Variants in MYRIP observed in about 807,000 individuals in gnomAD.
MYRIP encodes the protein myosin VIIA and Rab interacting protein, also known as rab effector MyRIP.
In MYRIP, 49 loss-of-function variants were observed where a neutral mutation model predicts 98.0. The ratio of observed to expected loss-of-function variants is 0.50; its 90% CI spans 0.40 to 0.63. The LOEUF is 0.63. Ranked by LOEUF, MYRIP falls within the 30% of genes least tolerant of loss-of-function variation. The probability of loss-of-function intolerance (pLI) is 0.00; values close to 1 mark genes in which losing one functional copy is unlikely to be tolerated. For missense variants in MYRIP, 1,004 were observed against 1,058.2 expected, an observed-to-expected ratio of 0.95 and a Z score of 0.71; for synonymous variants, 404 against 409.5, an observed-to-expected ratio of 0.99 and a Z score of 0.16.
chr3:40,109,705 A>G (rs1949120086), intron 3 of MYRIP, among the ~76,000 whole-genome samples: 1 of 152,210 alleles, frequency 6.6e-6, no homozygotes, highest in South Asian at 2.1e-4. Flanking sequence ...ACTACTGCTA[A>G]GCCAGATCAC....
At chr3:39,927,983 C>T (rs1432600876) in intron 2 of MYRIP, among the ~76,000 whole-genome samples, 1 of 151,988 alleles carries the variant, frequency 6.6e-6, no homozygotes, top group Non-Finnish European at 1.5e-5. Context: ...AATCCAGCAT[C>T]TCTTTATGAG....
chr3:40,053,010 T>C (rs948497454), intron 3 of MYRIP, among the ~76,000 whole-genome samples: 2 of 152,168 alleles, frequency 1.3e-5, no homozygotes, highest in Non-Finnish European at 2.9e-5. Flanking sequence ...GCTAGGCTTG[T>C]GGATTATTTT....
chr3:39,931,465 C>T (rs1944534088), intron 2 of MYRIP, among the ~76,000 whole-genome samples: 3 of 151,884 alleles, frequency 2.0e-5, no homozygotes, highest in Non-Finnish European at 4.4e-5. Flanking sequence ...ATCATGTCAT[C>T]TTTGCATAGA....
At chr3:40,227,290 G>T (rs1289212462) in intron 11 of MYRIP, among the ~76,000 whole-genome samples, 1 of 152,096 alleles carries the variant, frequency 6.6e-6, no homozygotes, top group Non-Finnish European at 1.5e-5. Flanking sequence ...GACATACCTT[G>T]TTTTCATTGC....
At chr3:39,917,205 G>C (rs1205248754) in intron 2 of MYRIP, among the ~76,000 whole-genome samples, 1 of 151,868 alleles carries the variant, frequency 6.6e-6, no homozygotes, top group Non-Finnish European at 1.5e-5. Flanking sequence ...ATAATGGTTA[G>C]TCAAAAAGAT....
chr3:40,180,411 C>T (rs1575601612), intron 8 of MYRIP, among the ~76,000 whole-genome samples: 1 of 152,242 alleles, frequency 6.6e-6, no homozygotes, highest in African/African-American at 2.4e-5. Flanking sequence ...ACATTACCCT[C>T]AGTTGCTCCA....
intron 3 of MYRIP, among the ~76,000 whole-genome samples, chr3:40,059,684 G>C (rs779061085): frequency 2.6e-5 from 4 of 152,118 alleles, no homozygotes; most frequent in Non-Finnish European, 5.9e-5. Context: ...GTTTTCCATA[G>C]TGCGAAATCC....
intron 2 of MYRIP, among the ~76,000 whole-genome samples, chr3:40,011,223 T>C (rs1946753865): frequency 6.6e-6 from 1 of 152,202 alleles, no homozygotes; most frequent in South Asian, 2.1e-4. Flanking sequence ...ACAGCCACTT[T>C]TATGTCATAG....
intron 1 of MYRIP, among the ~76,000 whole-genome samples, chr3:39,828,114 G>C (rs367869131): frequency 6.6e-6 from 1 of 151,872 alleles, no homozygotes; most frequent in African/African-American, 2.4e-5. Context: ...TCTAGGTGTC[G>C]ATGTCTATCT....
intron 1 of MYRIP, among the ~76,000 whole-genome samples, chr3:39,897,001 A>G (rs1285992684): frequency 6.6e-6 from 1 of 152,192 alleles, no homozygotes; most frequent in African/African-American, 2.4e-5. Flanking sequence ...AGTTGCATCC[A>G]TCATCAGCTT....
chr3:39,870,371 GTTCCATTCTTCCAAA>G, intron 1 of MYRIP, among the ~76,000 whole-genome samples: 1 of 149,988 alleles, frequency 6.7e-6, no homozygotes, highest in Middle Eastern at 3.2e-3. Flanking sequence ...CTTCCAATTT[GTTCCATTCTTCCAAA>G]CTGACAGGTG....
intron 2 of MYRIP, among the ~76,000 whole-genome samples, chr3:39,937,410 C>A (rs980989959): frequency 6.6e-6 from 1 of 152,202 alleles, no homozygotes; most frequent in African/African-American, 2.4e-5. Context: ...CCAGGACATT[C>A]TGAAGAGCAT....
chr3:40,190,149 A>G lies in MYRIP; in HGVS notation c.1351A>G (p.Met451Val), dbSNP rs141095599. The G allele has an allele frequency of 3.1e-6, 5 of 1,613,946 alleles. No homozygotes were observed. Among genetic ancestry groups the G allele is most frequent in the Non-Finnish European group, 4.2e-6 (5 of 1,179,988 alleles). ...TGCACTCTCCCCCAACCCTGAGGCC[A>G]TGTGCTCTGACTCGGAGACCTCCTC... is the stretch of plus-strand genomic sequence containing the variant. Reference protein sequence around the residue: ...SSALSPNPEAMCSDSETSSAG... With the variant: ...SSALSPNPEAVCSDSETSSAG... Residue 451 changes from methionine (M) to valine (V), a missense_variant, in exon 10 of 17, where the codon ATG becomes GTG. Physicochemically the swap from Met to Val is conservative, Grantham distance 21. Transcript: ENST00000302541.
chr3:40,083,393 A>T (rs529893102), intron 3 of MYRIP, among the ~76,000 whole-genome samples: 1 of 151,978 alleles, frequency 6.6e-6, no homozygotes, highest in Non-Finnish European at 1.5e-5. Flanking sequence ...GGAGGGCCCA[A>T]TGTGGCTAAG....
intron 3 of MYRIP, among the ~76,000 whole-genome samples, chr3:40,045,574 A>G (rs1947654012): frequency 6.6e-6 from 1 of 152,210 alleles, no homozygotes; most frequent in East Asian, 1.9e-4. Flanking sequence ...GGTAAGCCAA[A>G]TTCATCATGT....
chr3:39,824,778 T>C (rs533691285), intron 1 of MYRIP, among the ~76,000 whole-genome samples: 107 of 152,172 alleles, frequency 7.0e-4, no homozygotes, highest in African/African-American at 2.5e-3. Flanking sequence ...TGCAGTGGCA[T>C]GATCATAGCT....
At chr3:40,011,383 T>C (rs1946757119) in intron 2 of MYRIP, among the ~76,000 whole-genome samples, 1 of 152,172 alleles carries the variant, frequency 6.6e-6, no homozygotes, top group South Asian at 2.1e-4. Context: ...TATTCCTTCT[T>C]TCCTTCAGTG....
intron 1 of MYRIP, among the ~76,000 whole-genome samples, chr3:39,865,122 C>A (rs922883438): frequency 3.3e-5 from 5 of 152,042 alleles, no homozygotes; most frequent in South Asian, 2.1e-4. Flanking sequence ...GAAGGTGGAC[C>A]CCTTCCTTAC....
intron 3 of MYRIP, among the ~76,000 whole-genome samples, chr3:40,100,606 G>C (rs564388268): frequency 6.6e-6 from 1 of 152,242 alleles, no homozygotes; most frequent in Non-Finnish European, 1.5e-5. Flanking sequence ...GGTTGTAGCT[G>C]TGGCTGCCTT....
Sources: allele counts gnomAD v4.1 joint callset (sites outside exome capture counted in the v4.1 genomes callset), GRCh38; gene constraint gnomAD v4.1.1; transcripts MANE v1.5; gene names NCBI Gene and HGNC (gene_info 2026-07-23, HGNC 2026-07-21).